RNF38: variants seen among roughly 807,000 people sequenced by gnomAD.
RNF38 encodes ring finger protein 38.
Under a neutral mutation model 67.2 loss-of-function variants are expected in RNF38, and 15 were observed. The observed-to-expected ratio is 0.22, with a 90% CI of 0.15 to 0.34. The LOEUF (loss-of-function observed/expected upper bound fraction) is 0.34, where lower values mean the gene tolerates loss of function less well. Ranked by LOEUF, RNF38 falls within the 10% of genes least tolerant of loss-of-function variation. The pLI is 1.00. For missense variants in RNF38, 524 were observed against 639.9 expected, an observed-to-expected ratio of 0.82 and a Z score of 1.95; for synonymous variants, 220 against 218.8, an observed-to-expected ratio of 1.01 and a Z score of -0.05.
chr9:36,475,987 T>G, intron 1 of RNF38, among the ~76,000 whole-genome samples: 1 of 136,410 alleles, frequency 7.3e-6, no homozygotes, highest in Non-Finnish European at 1.5e-5. Context: ...CCAGCCTGGG[T>G]GACAGAGCGG....
Position 36,450,791 on chromosome 9 carries a change from G to A in RNF38, n.242-26108C>T, listed in dbSNP as rs148051658. Among the ~76,000 whole-genome samples, 526 of 152,302 alleles carry A rather than the reference G, an allele frequency of 3.5e-3. 8 individuals are homozygous for A. The highest frequency in any genetic ancestry group is 0.016 in the South Asian group (79 of 4,820). ...TGGCCTGGCGTGGTGGTTCATGCCT[G>A]TAATCCCAGCTACTTGGGAGGCTGA... On this transcript the variant is annotated intron_variant and non_coding_transcript_variant, in intron 1 of 3. Transcript: ENST00000488058.
Position 36,344,825 on chromosome 9 carries a change from T to A in RNF38, c.1385+7A>T. 6.2e-7 allele frequency: 1 copy of A among 1,610,028 alleles called. No homozygotes were observed. The highest frequency in any genetic ancestry group is 1.1e-5 in the South Asian group (1 of 90,318). The stretch of plus-strand genomic sequence containing the variant: ...ATTTAGCAGTGATGTCAGAAAAATT[T>A]ACTTACAAAGTCTGTTCTGACTGGT... On this transcript the variant is annotated splice_region_variant and intron_variant, in intron 10 of 11. Coordinates refer to ENST00000259605, the MANE Select transcript of RNF38 (RefSeq NM_022781.5).
chr9:36,419,638 G>C (rs1477669168), intron 2 of RNF38, among the ~76,000 whole-genome samples: 1 of 152,176 alleles, frequency 6.6e-6, no homozygotes, highest in African/African-American at 2.4e-5. Context: ...TTTTCAAACT[G>C]ACATTAGCTG....
rs551276182 is a variant in RNF38, at chr9:36,384,433, A to T, written c.162+6034T>A. On this transcript the variant is annotated intron_variant, in intron 2 of 11. Coordinates refer to ENST00000259605, the MANE Select transcript of RNF38 (RefSeq NM_022781.5). ...GACATAGACAAAATTGCCCCTCAAA[A>T]GTTTATGTAATGAAAACAAGGCCCA... is the stretch of plus-strand genomic sequence containing the variant. 6.7e-4 allele frequency among the ~76,000 whole-genome samples: 102 copies of T among 152,282 alleles called. 1 individual carries two copies. Among genetic ancestry groups the T allele is most frequent in the Middle Eastern group, 3.4e-3 (1 of 294 alleles).
intron 1 of RNF38, 56 bp from the exon 2 acceptor site, chr9:36,390,672 A>G: frequency 6.4e-7 from 1 of 1,554,074 alleles, no homozygotes; most frequent in East Asian, 2.3e-5. Context: ...AATGTGGAGA[A>G]TCACGCCTAT....
At chr9:36,349,255 T>A (rs907723804) in intron 9 of RNF38, among the ~76,000 whole-genome samples, 1 of 152,252 alleles carries the variant, frequency 6.6e-6, no homozygotes, top group Non-Finnish European at 1.5e-5. Context: ...CTGCAGCCCA[T>A]GGAATAAAGG....
intron 9 of RNF38, among the ~76,000 whole-genome samples, chr9:36,345,440 G>C (rs1023727326): frequency 1.3e-5 from 2 of 152,016 alleles, no homozygotes; most frequent in African/African-American, 4.8e-5. Flanking sequence ...TTTGTTGTCG[G>C]GGCTGGCCTG....
intron 7 of RNF38, 55 bp downstream of exon 7, chr9:36,353,115 A>C (rs1208825125): frequency 1.5e-5 from 21 of 1,430,630 alleles, no homozygotes; most frequent in Middle Eastern, 3.9e-4. Context: ...AACATAACTC[A>C]GAACAAGTAA....
chr9:36,463,747 T>C (rs10118394), intron 1 of RNF38, among the ~76,000 whole-genome samples: 101,942 of 152,030 alleles, frequency 0.67, 34,281 homozygotes, highest in Non-Finnish European at 0.69. Context: ...GAACCATGCT[T>C]TCCAGTCTGT....
At chr9:36,356,156 T>C (rs1467130180) in intron 6 of RNF38, 147 bp downstream of exon 6, 2 of 776,134 alleles carry the variant, frequency 2.6e-6, no homozygotes, top group African/African-American at 1.8e-5. Context: ...CAAGTTACTA[T>C]GTTTAAGCAT....
chr9:36,438,495 A>G (rs1046720832), intron 1 of RNF38, among the ~76,000 whole-genome samples: 4 of 151,922 alleles, frequency 2.6e-5, no homozygotes, highest in East Asian at 1.9e-4. Flanking sequence ...TCTTCTTCCA[A>G]TGTGGCCCAG....
At chr9:36,347,476 G>C (rs1180169551) in intron 9 of RNF38, among the ~76,000 whole-genome samples, 1 of 152,080 alleles carries the variant, frequency 6.6e-6, no homozygotes, top group African/African-American at 2.4e-5. Context: ...TCACATTTTG[G>C]TAATTCTCAC....
intron 2 of RNF38, among the ~76,000 whole-genome samples, chr9:36,380,946 C>T (rs754982457): frequency 4.6e-5 from 7 of 152,142 alleles, no homozygotes; most frequent in Non-Finnish European, 1.0e-4. Context: ...GAGACCCCTA[C>T]ATGAAGTAGT....
intron 1 of RNF38, among the ~76,000 whole-genome samples, chr9:36,479,934 T>C (rs1408266595): frequency 6.6e-6 from 1 of 152,162 alleles, no homozygotes; most frequent in African/African-American, 2.4e-5. Context: ...ACCCTGTCTC[T>C]TTAAGTATGA....
chr9:36,428,893 C>T (rs1288821648), intron 1 of RNF38, among the ~76,000 whole-genome samples: 2 of 152,138 alleles, frequency 1.3e-5, no homozygotes, highest in African/African-American at 4.8e-5. Context: ...AGCTTACAGC[C>T]CAGTAGAGAG....
chr9:36,406,760 A>G (rs908474802), intron 2 of RNF38, among the ~76,000 whole-genome samples: 10 of 152,222 alleles, frequency 6.6e-5, no homozygotes, highest in Non-Finnish European at 1.3e-4. Flanking sequence ...AAGAGAGGAA[A>G]AGGGATGCAG....
chr9:36,339,548 A>G lies in RNF38; in HGVS notation c.*204T>C, dbSNP rs567454592. On this transcript the variant is annotated 3_prime_UTR_variant, in exon 12 of 12. Transcript: ENST00000259605. ...TAAAGAAAAAGTCTTTGGAGTTCCA[A>G]TCACACGGTTAGTATAACAATCCCA... The G allele has an allele frequency of 2.0e-6, 1 of 493,314 alleles. No individual in the cohort carries two copies. Among genetic ancestry groups the G allele is most frequent in the East Asian group, 3.0e-5 (1 of 33,520 alleles). 30.6% of individuals were successfully genotyped at this position (493,314 alleles called of 1,614,324 possible).
chr9:36,485,892 A>C (rs1051064558), intron 1 of RNF38, among the ~76,000 whole-genome samples: 1 of 152,036 alleles, frequency 6.6e-6, no homozygotes, highest in Non-Finnish European at 1.5e-5. Context: ...AATGAGGGGG[A>C]GGGGGTGCTC....
chr9:36,447,274 C>T (rs1839330001), intron 1 of RNF38, among the ~76,000 whole-genome samples: 1 of 152,140 alleles, frequency 6.6e-6, no homozygotes, highest in Non-Finnish European at 1.5e-5. Context: ...ATACACCTAT[C>T]ACAATACATC....
Sources: allele counts gnomAD v4.1 joint callset (sites outside exome capture counted in the v4.1 genomes callset), GRCh38; gene constraint gnomAD v4.1.1; transcripts MANE v1.5; gene names NCBI Gene and HGNC (gene_info 2026-07-23, HGNC 2026-07-21).